Variants in SLC39A6 observed in about 807,000 individuals in gnomAD.
SLC39A6 encodes solute carrier family 39 member 6, also known as zinc transporter ZIP6.
Under a neutral mutation model 63.5 loss-of-function variants are expected in SLC39A6, and 51 were observed. The observed-to-expected ratio is 0.80, with a 90% CI of 0.64 to 1.01. SLC39A6 has a LOEUF of 1.01. Ranked by LOEUF, SLC39A6 falls within the 50% of genes least tolerant of loss-of-function variation. The probability of loss-of-function intolerance (pLI) is 0.00; values close to 1 mark genes in which losing one functional copy is unlikely to be tolerated. For missense variants in SLC39A6, 805 were observed against 927.8 expected (o/e 0.87, Z 1.72); for synonymous variants, 318 against 324.7 (o/e 0.98, Z 0.22).
intron 8 of SLC39A6, among the ~76,000 whole-genome samples, chr18:36,112,183 G>A (rs192808364): frequency 1.3e-5 from 2 of 152,356 alleles, no homozygotes; most frequent in African/African-American, 4.8e-5. Context: ...CGTGAACTGG[G>A]ATCCAGAACT....
intron 6 of SLC39A6, among the ~76,000 whole-genome samples, chr18:36,115,238 G>A (rs1230819064): frequency 2.0e-5 from 3 of 152,000 alleles, no homozygotes; most frequent in Admixed American, 6.6e-5. Context: ...TCAGGGGATC[G>A]AGACCATCCT....
intron 2 of SLC39A6, 115 bp downstream of exon 2, chr18:36,126,104 T>C (rs2089434683): frequency 9.3e-7 from 1 of 1,079,542 alleles, no homozygotes; most frequent in Non-Finnish European, 1.3e-6. Context: ...GAAATTCCCT[T>C]TTCAATAACT....
At chr18:36,124,793 T>G (rs1184611764) in intron 2 of SLC39A6, 93 bp from the exon 3 acceptor site, 1 of 1,004,650 alleles carries the variant, frequency 1.0e-6, no homozygotes, top group Non-Finnish European at 1.4e-6. Flanking sequence ...GCTACTTCGT[T>G]TTCTCGAGTT....
intron 9 of SLC39A6, among the ~76,000 whole-genome samples, chr18:36,110,795 G>C (rs2089294374): frequency 6.6e-6 from 1 of 151,980 alleles, no homozygotes; most frequent in Non-Finnish European, 1.5e-5. Flanking sequence ...GCCTGGTTTG[G>C]TCTCCCAAAA....
chr18:36,128,733 G>A (rs1042847751), intron 1 of SLC39A6, among the ~76,000 whole-genome samples: 2 of 152,110 alleles, frequency 1.3e-5, no homozygotes, highest in Admixed American at 1.3e-4. Flanking sequence ...GTGTGCTGGA[G>A]GAAAAAGGAA....
chr18:36,123,395 A>G, intron 4 of SLC39A6, 100 bp downstream of exon 4: 1 of 1,148,136 alleles, frequency 8.7e-7, no homozygotes, highest in South Asian at 1.6e-5. Flanking sequence ...TTCTAAACCA[A>G]ATTTCTAACA....
Position 36,112,661 on chromosome 18 carries a change from C to T in SLC39A6, c.1844-80G>A, listed in dbSNP as rs944638665. 9 of 1,030,748 alleles carry T rather than the reference C, an allele frequency of 8.7e-6. No homozygotes were observed. The Admixed American group carries it at 1.5e-4, about 17-fold the overall frequency. 63.9% of individuals were successfully genotyped at this position (1,030,748 alleles called of 1,614,324 possible). A position where few individuals can be genotyped will look rare whatever the true frequency, so the allele number is the denominator to read the frequency against. On this transcript the variant is annotated intron_variant, in intron 7 of 9. Transcript: ENST00000269187. ...CTTATCAGTATGCAAAATGAGGTAA[C>T]AAGAAAATGGTATTTTGGCTGTGAA...
At chr18:36,111,358 G>C (rs1053614269) in intron 8 of SLC39A6, 109 bp from the exon 9 acceptor site, 5 of 1,047,478 alleles carry the variant, frequency 4.8e-6, no homozygotes, top group Non-Finnish European at 6.9e-6. Context: ...TTTTGAGAGG[G>C]GGAAAAGAAA....
intron 6 of SLC39A6, 58 bp downstream of exon 6, chr18:36,116,616 T>C: frequency 8.2e-7 from 1 of 1,219,978 alleles, no homozygotes; most frequent in Non-Finnish European, 1.2e-6. Context: ...TCAAGTTGCC[T>C]GCAAATCATA....
chr18:36,121,003 C>T (rs1166477224), intron 5 of SLC39A6, among the ~76,000 whole-genome samples: 1 of 151,850 alleles, frequency 6.6e-6, no homozygotes, highest in East Asian at 1.9e-4. Flanking sequence ...ATAGATGAAG[C>T]AGCATGGCTG....
chr18:36,126,145 A>C, intron 2 of SLC39A6, 74 bp downstream of exon 2: 3 of 1,358,058 alleles, frequency 2.2e-6, no homozygotes, highest in South Asian at 2.6e-5. Context: ...TAAACTCCTC[A>C]TAACTAGAGA....
At chr18:36,121,421 T>C (rs1231742140) in intron 5 of SLC39A6, among the ~76,000 whole-genome samples, 1 of 152,208 alleles carries the variant, frequency 6.6e-6, no homozygotes, top group African/African-American at 2.4e-5. Context: ...CCTCCCAAAG[T>C]GCTGGGATTA....
Position 36,109,443 on chromosome 18 carries a change from A to G in SLC39A6, c.*150T>C, listed in dbSNP as rs1448039754. 4 of 558,220 alleles carry G rather than the reference A, an allele frequency of 7.2e-6. No homozygotes were observed. Among genetic ancestry groups the G allele is most frequent in the South Asian group, 6.6e-5 (2 of 30,300 alleles). The allele number at this position is 558,220 out of a possible 1,614,324, so 34.6% of individuals were successfully genotyped here. A position where few individuals can be genotyped will look rare whatever the true frequency, so the allele number is the denominator to read the frequency against. ...ACTTAAATATTAAAACGTACCTTTA[A>G]CTGACTTTGTAACAGACAGCAATAT... On this transcript the variant is annotated 3_prime_UTR_variant, in exon 10 of 10. Coordinates refer to ENST00000269187, the MANE Select transcript of SLC39A6 (RefSeq NM_012319.4).
intron 8 of SLC39A6, 117 bp downstream of exon 8, chr18:36,112,384 A>C: frequency 1.4e-6 from 1 of 732,398 alleles, no homozygotes; most frequent in Non-Finnish European, 2.4e-6. Flanking sequence ...GCTGGTTAGC[A>C]GACTTATGAG....
intron 7 of SLC39A6, among the ~76,000 whole-genome samples, chr18:36,113,502 A>G (rs1390859751): frequency 6.6e-6 from 1 of 152,196 alleles, no homozygotes; most frequent in Admixed American, 6.5e-5. Context: ...AGGCCTAGCT[A>G]TAACACAGCA....
intron 1 of SLC39A6, among the ~76,000 whole-genome samples, 154 bp from the exon 2 acceptor site, chr18:36,127,170 A>G (rs1428963998): frequency 6.6e-6 from 1 of 152,234 alleles, no homozygotes; most frequent in Non-Finnish European, 1.5e-5. Flanking sequence ...GTGAAGATGG[A>G]AAGAACTAGA....
intron 8 of SLC39A6, 149 bp from the exon 9 acceptor site, chr18:36,111,398 C>G: frequency 1.5e-6 from 1 of 680,358 alleles, no homozygotes; most frequent in Non-Finnish European, 2.5e-6. Flanking sequence ...AGGGTTAAAG[C>G]AGTGTTAGTA....
chr18:36,121,936 A>G, intron 5 of SLC39A6, 116 bp downstream of exon 5: 2 of 692,052 alleles, frequency 2.9e-6, no homozygotes, highest in Non-Finnish European at 4.8e-6. Flanking sequence ...AGGGTACTGA[A>G]CTCCCTCTCA....
chr18:36,117,470 T>C (rs781332442), intron 5 of SLC39A6, among the ~76,000 whole-genome samples: 3 of 152,238 alleles, frequency 2.0e-5, no homozygotes, highest in Non-Finnish European at 4.4e-5. Context: ...AATTCATCAC[T>C]GGGCTTTTTA....
Sources: allele counts gnomAD v4.1 joint callset (sites outside exome capture counted in the v4.1 genomes callset), GRCh38; gene constraint gnomAD v4.1.1; transcripts MANE v1.5; gene names NCBI Gene and HGNC (gene_info 2026-07-23, HGNC 2026-07-21).